Variants in DMD observed in about 807,000 individuals in gnomAD.
DMD encodes mutant dystrophin.
In DMD, 63 loss-of-function variants were observed where a neutral mutation model predicts 330.1. That is an observed-to-expected ratio of 0.19 (90% CI 0.16 to 0.24). The LOEUF is 0.24. Ranked by LOEUF, DMD falls within the 10% of genes least tolerant of loss-of-function variation. The pLI is 1.00. For synonymous variants in DMD, 1,223 were observed against 959.8 expected (o/e 1.27, Z -5.07); for missense variants, 3,344 against 2,684.1 (o/e 1.25, Z -5.43).
Position 31,193,811 on chromosome X carries a change from T to C in DMD, c.9807+10150A>G, listed in dbSNP as rs188482545. Among the ~76,000 whole-genome samples, 142 of 111,176 alleles carry C rather than the reference T, an allele frequency of 1.3e-3. 1 individual carries two copies. The highest frequency in any genetic ancestry group is 3.9e-3 in the African/African-American group (120 of 30,613). Reference sequence around the variant, plus strand: ...TTTGGCCAAAAAATGTTAACATTAATCTAATCACAAGGAAACCATCAGAAA... The same window carrying C: ...TTTGGCCAAAAAATGTTAACATTAACCTAATCACAAGGAAACCATCAGAAA... On this transcript the variant is annotated intron_variant, in intron 67 of 78. Coordinates refer to ENST00000357033, the MANE Select transcript of DMD (RefSeq NM_004006.3).
chrX:31,460,710 T>G (rs765834522), intron 59 of DMD, among the ~76,000 whole-genome samples: 58 of 111,028 alleles, frequency 5.2e-4, no homozygotes, highest in Non-Finnish European at 9.6e-4. Flanking sequence ...GCCTTTCGGG[T>G]AGCTGGGACT....
intron 63 of DMD, among the ~76,000 whole-genome samples, chrX:31,250,607 T>G (rs1303573600): frequency 1.8e-5 from 2 of 112,083 alleles, no homozygotes; most frequent in African/African-American, 3.2e-5. Context: ...GTTAAGTAAC[T>G]TCTATAGCAA....
intron 44 of DMD, among the ~76,000 whole-genome samples, chrX:32,034,453 T>A (rs2095923023): frequency 8.9e-6 from 1 of 111,861 alleles, no homozygotes; most frequent in Admixed American, 9.5e-5. Context: ...ATTACCACAC[T>A]ATATTTTTCA....
At chrX:33,159,052 A>G (rs1295059003) in intron 1 of DMD, 3 of 112,089 alleles carry the variant, frequency 2.7e-5, no homozygotes, top group Non-Finnish European at 5.6e-5. Context: ...CTTAAAAGAT[A>G]GGAGTCACAC....
intron 76 of DMD, among the ~76,000 whole-genome samples, chrX:31,143,546 C>A (rs1254210763): frequency 8.9e-6 from 1 of 111,816 alleles, no homozygotes; most frequent in Non-Finnish European, 1.9e-5. Context: ...TGAATTCAGT[C>A]TTTTCTTTCA....
chrX:32,967,645 G>A (rs2092214558), intron 2 of DMD, among the ~76,000 whole-genome samples: 1 of 111,312 alleles, frequency 9.0e-6, no homozygotes, highest in Non-Finnish European at 1.9e-5. Context: ...AAATGGGAGC[G>A]CTGAAAGGGT....
At chrX:31,818,706 A>G (rs1395014329) in intron 50 of DMD, among the ~76,000 whole-genome samples, 1 of 109,123 alleles carries the variant, frequency 9.2e-6, no homozygotes, top group Non-Finnish European at 1.9e-5. Context: ...ACAGTTGAGT[A>G]TAACCCTGAT....
intron 1 of DMD, among the ~76,000 whole-genome samples, chrX:33,143,147 A>G (rs1804759098): frequency 9.0e-6 from 1 of 111,683 alleles, no homozygotes; most frequent in Non-Finnish European, 1.9e-5. Context: ...TTTCACAGCT[A>G]TATGTATTTT....
At chrX:31,359,679 T>A (rs746066009) in intron 60 of DMD, among the ~76,000 whole-genome samples, 1 of 112,060 alleles carries the variant, frequency 8.9e-6, no homozygotes, top group South Asian at 3.8e-4. Context: ...ACTCAATCTA[T>A]TTTATTCATT....
chrX:31,936,427 G>T (rs2094925881), intron 45 of DMD, among the ~76,000 whole-genome samples: 1 of 111,486 alleles, frequency 9.0e-6, no homozygotes, highest in South Asian at 3.7e-4. Context: ...CAAATAAAAA[G>T]CTTGCCATAG....
At chrX:31,563,874 A>G (rs747856942) in intron 55 of DMD, among the ~76,000 whole-genome samples, 1 of 112,022 alleles carries the variant, frequency 8.9e-6, no homozygotes, top group Non-Finnish European at 1.9e-5. Flanking sequence ...CCAAATTTAA[A>G]TGTTGAAGTC....
chrX:32,127,086 A>G, intron 44 of DMD, among the ~76,000 whole-genome samples: 1 of 110,972 alleles, frequency 9.0e-6, no homozygotes, highest in Non-Finnish European at 1.9e-5. Context: ...GCACTTAACA[A>G]CTCTGTCCAA....
In DMD at chrX:32,418,972, C is replaced by CAAAAAAAAAAA. The variant is rs1160282195; in HGVS notation, c.4072-7070_4072-7060dup. Among the ~76,000 whole-genome samples the CAAAAAAAAAAA allele has an allele frequency of 6.9e-3, 93 of 13,502 alleles. 14 individuals are homozygous for CAAAAAAAAAAA. The highest frequency in any genetic ancestry group is 0.018 in the African/African-American group (82 of 4,476). 11.7% of individuals were successfully genotyped at this position (13,502 alleles called of 115,157 possible). A position where few individuals can be genotyped will look rare whatever the true frequency, so the allele number is the denominator to read the frequency against. ...TGGGTGACAGAGTGAGACTCTGTCTCAAAAAAAAAAAAAAAAAAAAAAAAA... is the reference window on the plus strand; with the variant it reads ...TGGGTGACAGAGTGAGACTCTGTCTCAAAAAAAAAAAAAAAAAAAAAAAAAAAAAAAAAAAA... On this transcript the variant is annotated intron_variant, in intron 29 of 78. Coordinates refer to ENST00000357033, the MANE Select transcript of DMD (RefSeq NM_004006.3).
At chrX:32,334,429 T>C (rs2097695410) in intron 41 of DMD, among the ~76,000 whole-genome samples, 1 of 112,099 alleles carries the variant, frequency 8.9e-6, no homozygotes, top group African/African-American at 3.2e-5. Context: ...AGAAAATCTA[T>C]GTGGCAATTA....
At chrX:33,292,106 G>A (rs183425299) in intron 1 of DMD, among the ~76,000 whole-genome samples, 158 of 110,809 alleles carry the variant, frequency 1.4e-3, no homozygotes, top group Admixed American at 8.6e-3. Flanking sequence ...CAAAACTTCC[G>A]TAACAATCTT....
chrX:31,513,177 A>G (rs1217601085), intron 55 of DMD, among the ~76,000 whole-genome samples: 1 of 93,415 alleles, frequency 1.1e-5, no homozygotes, highest in Admixed American at 1.2e-4. Flanking sequence ...ATTTTTGTAC[A>G]TTGATTTTGT....
In DMD at chrX:33,009,706, GTA is replaced by G. The variant is rs1269501502; in HGVS notation, c.93+10431_93+10432del. Among the ~76,000 whole-genome samples, 13 of 66,656 alleles carry G rather than the reference GTA, an allele frequency of 2.0e-4. 2 individuals carry two copies. The highest frequency in any genetic ancestry group is 7.5e-4 in the African/African-American group (13 of 17,374). The allele number at this position is 66,656 out of a possible 115,157, so 57.9% of individuals were successfully genotyped here. A position where few individuals can be genotyped will look rare whatever the true frequency, so the allele number is the denominator to read the frequency against. ...TGTATATGCACATATGTGTGTATAC[GTA>G]TATGTGTATATGTGTGTATATGTGT... On this transcript the variant is annotated intron_variant, in intron 2 of 78. Transcript: ENST00000357033.
chrX:31,725,485 T>C (rs2085961425), intron 52 of DMD, among the ~76,000 whole-genome samples: 1 of 111,717 alleles, frequency 9.0e-6, no homozygotes, highest in Non-Finnish European at 1.9e-5. Context: ...ATAATTAAAA[T>C]AACAAATGCT....
chrX:33,145,542 A>G (rs991045684), intron 1 of DMD, among the ~76,000 whole-genome samples: 2 of 111,131 alleles, frequency 1.8e-5, no homozygotes, highest in African/African-American at 6.5e-5. Context: ...TCAACAATAG[A>G]TAAGTCACTT....
Sources: gnomAD v4.1 joint callset for allele counts (sites outside exome capture counted in the v4.1 genomes callset) on GRCh38, gnomAD v4.1.1 for gene constraint, MANE v1.5 for transcripts, NCBI Gene and HGNC (gene_info 2026-07-23, HGNC 2026-07-21) for gene names.